ADAM12: variants seen among roughly 807,000 people sequenced by gnomAD.
ADAM12 encodes the protein ADAM metallopeptidase domain 12.
In ADAM12, 70 loss-of-function variants were observed where a neutral mutation model predicts 106.4. That is an observed-to-expected ratio of 0.66 (90% confidence interval 0.54 to 0.80). The LOEUF (loss-of-function observed/expected upper bound fraction) is 0.80, where lower values mean the gene tolerates loss of function less well. Among genes scored for constraint, ADAM12 ranks in the 30% least tolerant of loss-of-function variants. The probability of loss-of-function intolerance (pLI) is 0.00; values close to 1 mark genes in which losing one functional copy is unlikely to be tolerated. For missense variants in ADAM12, 1,010 were observed against 1,171.9 expected (o/e 0.86, Z 2.02); for synonymous variants, 420 against 433.5 (o/e 0.97, Z 0.39).
chr10:126,060,450 G>A (rs1338536823), intron 14 of ADAM12, among the ~76,000 whole-genome samples: 4 of 152,162 alleles, frequency 2.6e-5, no homozygotes, highest in African/African-American at 7.2e-5. Context: ...AAATGTCAAG[G>A]GCCGGTGGGG....
intron 5 of ADAM12, among the ~76,000 whole-genome samples, chr10:126,125,887 C>A (rs1232359838): frequency 6.6e-6 from 1 of 151,372 alleles, no homozygotes; most frequent in African/African-American, 2.4e-5. Flanking sequence ...AAGATGCAAG[C>A]AGAAACGGGA....
chr10:126,323,190 A>G (rs1222900180), intron 2 of ADAM12, among the ~76,000 whole-genome samples: 1 of 152,244 alleles, frequency 6.6e-6, no homozygotes, highest in East Asian at 1.9e-4. Flanking sequence ...AATGTAAAAT[A>G]GATGCTTCCT....
intron 3 of ADAM12, among the ~76,000 whole-genome samples, chr10:126,161,681 A>T (rs1483698730): frequency 6.6e-6 from 1 of 152,140 alleles, no homozygotes; most frequent in Non-Finnish European, 1.5e-5. Flanking sequence ...GATGAAACTG[A>T]GAAGGCGCTG....
chr10:126,308,932 T>C (rs11244947), intron 2 of ADAM12, among the ~76,000 whole-genome samples: 2,320 of 152,256 alleles, frequency 0.015, 69 homozygotes, highest in African/African-American at 0.052. Flanking sequence ...CTGGGACAAG[T>C]AGAGAGATGC....
intron 12 of ADAM12, chr10:126,070,443 A>G (rs913123790): frequency 4.6e-5 from 7 of 152,360 alleles, no homozygotes; most frequent in African/African-American, 1.7e-4. Context: ...CCTGGTATGG[A>G]AAACCTCAGA....
chr10:126,117,720 G>A (rs1270005773), intron 6 of ADAM12, among the ~76,000 whole-genome samples: 1 of 129,706 alleles, frequency 7.7e-6, no homozygotes, highest in Non-Finnish European at 1.6e-5. Context: ...GGGTCTCTTG[G>A]GAGATTCCAT....
At chr10:126,387,045 G>A (rs1856686351) in intron 1 of ADAM12, among the ~76,000 whole-genome samples, 1 of 152,166 alleles carries the variant, frequency 6.6e-6, no homozygotes, top group Non-Finnish European at 1.5e-5. Context: ...AAAATAAAAC[G>A]TATCATAAAG....
intron 18 of ADAM12, 122 bp from the exon 19 acceptor site, chr10:126,039,551 G>A (rs1057256546): frequency 4.1e-5 from 47 of 1,139,866 alleles, no homozygotes; most frequent in Non-Finnish European, 5.6e-5. Flanking sequence ...GAGTACACCC[G>A]TGAGTGATGT....
chr10:126,292,385 G>A (rs77072540), intron 2 of ADAM12, among the ~76,000 whole-genome samples: 1,625 of 152,178 alleles, frequency 0.011, 15 homozygotes, highest in East Asian at 0.049. Flanking sequence ...TACCTCCACA[G>A]TTCCTTCTAT....
intron 3 of ADAM12, among the ~76,000 whole-genome samples, chr10:126,195,042 C>G (rs1231018045): frequency 4.0e-5 from 6 of 151,658 alleles, no homozygotes; most frequent in Non-Finnish European, 8.8e-5. Flanking sequence ...ATATTGTTCT[C>G]CTTTATATGT....
At position 126,049,787 on chromosome 10, in the gene ADAM12, T is replaced by C; in HGVS notation, c.1610-118A>G. The C allele has an allele frequency of 1.1e-6, 1 of 891,300 alleles. No individual in the cohort carries two copies. 55.2% of individuals were successfully genotyped at this position (891,300 alleles called of 1,614,324 possible). On this transcript the variant is annotated intron_variant, in intron 14 of 22. Transcript: ENST00000448723. This position sits in a 1 kb window ranked among gnomAD's most constrained non-coding sequence, Gnocchi z 4.4. ...GCTCAAAGCAATCACACCCAGTGTC[T>C]GTCCCGACTCATGGTGGGAGCTGGC...
intron 3 of ADAM12, among the ~76,000 whole-genome samples, chr10:126,167,540 T>C (rs970278545): frequency 6.6e-6 from 1 of 152,236 alleles, no homozygotes; most frequent in Non-Finnish European, 1.5e-5. Context: ...TGTTTGCCTC[T>C]AGTGTGGAGA....
At chr10:126,154,482 T>C (rs1006855751) in intron 4 of ADAM12, among the ~76,000 whole-genome samples, 4 of 152,158 alleles carry the variant, frequency 2.6e-5, no homozygotes, top group Admixed American at 2.6e-4. Context: ...CAGACAGTAA[T>C]GGCTACTTGA....
chr10:126,295,127 A>AT (rs1428052541), intron 2 of ADAM12, among the ~76,000 whole-genome samples: 16 of 152,136 alleles, frequency 1.1e-4, no homozygotes, highest in Admixed American at 1.0e-3. Flanking sequence ...AGAGGAAACT[A>AT]TAACTCATTT....
intron 3 of ADAM12, among the ~76,000 whole-genome samples, chr10:126,159,301 C>T (rs1441010279): frequency 6.1e-5 from 3 of 49,504 alleles, no homozygotes; most frequent in Admixed American, 7.2e-4. Context: ...CAGAGCGAGA[C>T]TCCATCAAAA....
At chr10:126,098,782 C>T (rs1955604788) in intron 9 of ADAM12, among the ~76,000 whole-genome samples, 1 of 152,126 alleles carries the variant, frequency 6.6e-6, no homozygotes, top group Middle Eastern at 3.2e-3. Flanking sequence ...TCCTAATGGA[C>T]TGTAGGAAGC....
intron 3 of ADAM12, among the ~76,000 whole-genome samples, chr10:126,275,398 G>A (rs1301110464): frequency 6.6e-6 from 1 of 152,130 alleles, no homozygotes; most frequent in Non-Finnish European, 1.5e-5. Flanking sequence ...GATTTTAAGT[G>A]AACAGCATCC....
intron 2 of ADAM12, among the ~76,000 whole-genome samples, chr10:126,288,433 A>G (rs912384455): frequency 1.1e-4 from 16 of 152,238 alleles, no homozygotes; most frequent in African/African-American, 3.9e-4. Flanking sequence ...GACAAAAAAA[A>G]TCCAAAATAG....
intron 4 of ADAM12, among the ~76,000 whole-genome samples, chr10:126,152,782 T>G (rs529096654): frequency 6.6e-6 from 1 of 152,316 alleles, no homozygotes; most frequent in Admixed American, 6.5e-5. Flanking sequence ...GACTCATTTT[T>G]ATCTTGCTAT....
Sources: gnomAD v4.1 joint callset for allele counts (sites outside exome capture counted in the v4.1 genomes callset) on GRCh38, gnomAD v4.1.1 for gene constraint, Gnocchi (gnomAD v3.1) non-coding constraint, MANE v1.5 for transcripts, NCBI Gene and HGNC (gene_info 2026-07-23, HGNC 2026-07-21) for gene names.